Variants in PAK2 observed in about 807,000 individuals in gnomAD.
The protein encoded by PAK2 is serine/threonine-protein kinase PAK 2.
In PAK2, 21 loss-of-function variants were observed where a neutral mutation model predicts 65.9. That is an observed-to-expected ratio of 0.32 (90% CI 0.23 to 0.46). The LOEUF is 0.46. PAK2 is among the 20% of genes least tolerant of loss of function. PAK2 has a pLI of 1.00. For synonymous variants in PAK2, 204 were observed against 219.7 expected (o/e 0.93, Z 0.63); for missense variants, 324 against 642.6 (o/e 0.50, Z 5.36).
intron 13 of PAK2, among the ~76,000 whole-genome samples, chr3:196,825,018 A>C (rs1711787152): frequency 6.6e-6 from 1 of 152,124 alleles, no homozygotes; most frequent in Non-Finnish European, 1.5e-5. Context: ...ATTTTCTGTA[A>C]ACCTAAAACT....
chr3:196,740,655 C>T (rs1230525552), intron 1 of PAK2, among the ~76,000 whole-genome samples: 1 of 152,158 alleles, frequency 6.6e-6, no homozygotes, highest in Admixed American at 6.5e-5. Context: ...CAGCTCCAGC[C>T]TGTAACCTCT....
chr3:196,793,615 TAGAC>T (rs1341139796), intron 2 of PAK2, among the ~76,000 whole-genome samples: 4 of 151,650 alleles, frequency 2.6e-5, no homozygotes, highest in African/African-American at 9.7e-5. Context: ...TTAAAAGAAA[TAGAC>T]AGTGTAAGGA....
rs1454086650 is a variant in PAK2 at position 196,832,317 on chromosome 3, A to G, written c.*3912A>G. 1 of 152,202 alleles carries G rather than the reference A, an allele frequency of 6.6e-6. No individual in the cohort carries two copies. Among genetic ancestry groups the G allele is most frequent in the East Asian group, 1.9e-4 (1 of 5,204 alleles). The allele number at this position is 152,202 out of a possible 1,614,324, so 9.4% of individuals were successfully genotyped here. ...TTTTTCTTGTTTTGATAGAAATGGA[A>G]TTAAGCAAAAGTAGTTTTTGTCTTT... is the stretch of plus-strand genomic sequence containing the variant. On this transcript the variant is annotated 3_prime_UTR_variant, in exon 15 of 15. Transcript: ENST00000327134.
rs111751833 is a variant in PAK2, at chr3:196,812,021, A to G, written c.774-198A>G. On this transcript the variant is annotated intron_variant, in intron 8 of 14. Coordinates refer to ENST00000327134, the MANE Select transcript of PAK2 (RefSeq NM_002577.4). The stretch of plus-strand genomic sequence containing the variant: ...TTTTTGTAGGTCTGAAATATTTCAC[A>G]CATAAGTTTTGCCGTAAGGATTGTC... Among the ~76,000 whole-genome samples the G allele has an allele frequency of 8.1e-3, 1,228 of 152,028 alleles. 12 individuals are homozygous for G. Among genetic ancestry groups the G allele is most frequent in the African/African-American group, 0.026 (1,087 of 41,490 alleles).
intron 1 of PAK2, among the ~76,000 whole-genome samples, chr3:196,740,488 C>T (rs1415938840): frequency 6.6e-6 from 1 of 152,236 alleles, no homozygotes; most frequent in African/African-American, 2.4e-5. Context: ...TCGCGTTTCA[C>T]CCTCTTCCTT....
At chr3:196,751,079 T>C (rs1713564257) in intron 1 of PAK2, among the ~76,000 whole-genome samples, 2 of 152,154 alleles carry the variant, frequency 1.3e-5, no homozygotes, top group South Asian at 4.1e-4. Context: ...CTAATCTGTT[T>C]TCTGTCTCAA....
chr3:196,755,088 T>C (rs1232017754), intron 1 of PAK2, among the ~76,000 whole-genome samples: 1 of 152,226 alleles, frequency 6.6e-6, no homozygotes, highest in Non-Finnish European at 1.5e-5. Context: ...AAAGATCTCA[T>C]ATAAATTGTA....
intron 1 of PAK2, among the ~76,000 whole-genome samples, chr3:196,764,448 T>C (rs1341191052): frequency 6.6e-6 from 1 of 151,688 alleles, no homozygotes; most frequent in East Asian, 2.0e-4. Context: ...TGAAGCCGCA[T>C]CTCTACTAAA....
chr3:196,804,787 G>A (rs948949186), intron 4 of PAK2, among the ~76,000 whole-genome samples: 1 of 144,038 alleles, frequency 6.9e-6, no homozygotes. Flanking sequence ...TGTAATATGT[G>A]ATATGTGTGT....
chr3:196,786,542 G>T (rs1398979025), intron 2 of PAK2, among the ~76,000 whole-genome samples: 1 of 152,096 alleles, frequency 6.6e-6, no homozygotes. Flanking sequence ...ACATTTTCCT[G>T]TATTTTTTCT....
intron 1 of PAK2, among the ~76,000 whole-genome samples, chr3:196,771,718 C>G (rs1714366177): frequency 6.6e-6 from 1 of 152,078 alleles, no homozygotes; most frequent in Admixed American, 6.6e-5. Flanking sequence ...GCCACCACGC[C>G]TGGCTAATTT....
At chr3:196,744,136 T>TG (rs1713294851) in intron 1 of PAK2, among the ~76,000 whole-genome samples, 3 of 152,246 alleles carry the variant, frequency 2.0e-5, no homozygotes, top group African/African-American at 7.2e-5. Flanking sequence ...CCTAGCTACT[T>TG]GGGAGGCTGA....
chr3:196,765,884 G>A (rs1048726647), intron 1 of PAK2, among the ~76,000 whole-genome samples: 2 of 151,790 alleles, frequency 1.3e-5, no homozygotes, highest in African/African-American at 4.8e-5. Context: ...AATAAAAAGA[G>A]CTATAAAATT....
chr3:196,816,237 A>G (rs1401240637), intron 11 of PAK2, among the ~76,000 whole-genome samples: 1 of 152,170 alleles, frequency 6.6e-6, no homozygotes. Flanking sequence ...GATGATACAT[A>G]TATATTTCCC....
Position 196,806,643 on chromosome 3 carries a change from C to T in PAK2, c.533C>T (p.Thr178Ile), listed in dbSNP as rs777079011. ...VTEEEDDDEE[T>I]APPVIAPRPD... ...GAGGAGGAGGATGATGATGAAGAGA[C>T]TGCTCCTCCCGTTATTGCCCCGCGA... The change falls in exon 6 of 15, where the codon ACT (threonine) becomes ATT (isoleucine). Residue 178 changes from threonine (T) to isoleucine (I), a missense_variant. Physicochemically the swap from Thr to Ile is moderately conservative, Grantham distance 89. Transcript: ENST00000327134. The T allele has an allele frequency of 1.2e-5, 19 of 1,612,856 alleles. No homozygotes were observed. Among genetic ancestry groups the T allele is most frequent in the Non-Finnish European group, 1.5e-5 (18 of 1,178,986 alleles).
intron 4 of PAK2, among the ~76,000 whole-genome samples, chr3:196,803,672 C>T (rs28472764): frequency 0.03 from 4,594 of 152,160 alleles, 172 homozygotes; most frequent in Admixed American, 0.098. Flanking sequence ...ACGAAAGAAG[C>T]GTTAGAACTA....
intron 1 of PAK2, among the ~76,000 whole-genome samples, chr3:196,761,209 G>T (rs1333208892): frequency 7.6e-6 from 1 of 131,386 alleles, no homozygotes; most frequent in Non-Finnish European, 1.6e-5. Context: ...CACAGAGGGG[G>T]ATTTGGCAGG....
chr3:196,767,645 C>T (rs577280749), intron 1 of PAK2, among the ~76,000 whole-genome samples: 6 of 151,860 alleles, frequency 4.0e-5, no homozygotes, highest in Non-Finnish European at 5.9e-5. Context: ...ACCGCCACCA[C>T]GCCCAGCTAA....
chr3:196,786,355 G>T (rs1444427307), intron 2 of PAK2, among the ~76,000 whole-genome samples: 5 of 151,902 alleles, frequency 3.3e-5, no homozygotes, highest in African/African-American at 1.2e-4. Flanking sequence ...TAGAGACAGG[G>T]TTTCATCATG....
Sources: gnomAD v4.1 joint callset for allele counts (sites outside exome capture counted in the v4.1 genomes callset) on GRCh38, gnomAD v4.1.1 for gene constraint, MANE v1.5 for transcripts, NCBI Gene and HGNC (gene_info 2026-07-23, HGNC 2026-07-21) for gene names.